The following MBD5 variants were observed in gnomAD, a reference collection of about 807,000 sequenced individuals.
The protein encoded by MBD5 is methyl-CpG binding domain protein 5, also known as methyl-CpG-binding domain protein 5.
A neutral mutation model predicts 117.3 loss-of-function variants in MBD5; 13 were observed. The ratio of observed to expected loss-of-function variants is 0.11; its 90% CI spans 0.07 to 0.18. MBD5 has a LOEUF of 0.18. MBD5 is among the 10% of genes least tolerant of loss of function. The pLI is 1.00. For synonymous variants in MBD5, 727 were observed against 766.4 expected (o/e 0.95, Z 0.85); for missense variants, 1,879 against 2,093.8 (o/e 0.90, Z 2.00).
At chr2:148,212,209 A>T (rs1346413376) in intron 2 of MBD5, among the ~76,000 whole-genome samples, 1 of 152,148 alleles carries the variant, frequency 6.6e-6, no homozygotes, top group Non-Finnish European at 1.5e-5. Context: ...TCACTCCAAA[A>T]AGAAACCCTG....
intron 3 of MBD5, among the ~76,000 whole-genome samples, chr2:148,282,831 A>G (rs1028999701): frequency 4.6e-5 from 7 of 151,800 alleles, no homozygotes; most frequent in Non-Finnish European, 7.4e-5. Context: ...GGTCATTTAA[A>G]TGATCCTCAA....
At chr2:148,173,727 A>G (rs1280714376) in intron 1 of MBD5, among the ~76,000 whole-genome samples, 1 of 152,166 alleles carries the variant, frequency 6.6e-6, no homozygotes, top group Non-Finnish European at 1.5e-5. Flanking sequence ...CTCATAAATA[A>G]ATAAATAAAT....
chr2:148,406,624 A>G (rs1244070623), intron 4 of MBD5, among the ~76,000 whole-genome samples: 1 of 145,406 alleles, frequency 6.9e-6, no homozygotes, highest in Admixed American at 6.9e-5. Context: ...TAATAAATCC[A>G]TACATGATTC....
chr2:148,152,252 G>C (rs1489627356), intron 1 of MBD5, among the ~76,000 whole-genome samples: 1 of 152,172 alleles, frequency 6.6e-6, no homozygotes, highest in Non-Finnish European at 1.5e-5. Flanking sequence ...GAGTGGTTTT[G>C]AGTGAGATTC....
intron 8 of MBD5, among the ~76,000 whole-genome samples, chr2:148,482,635 T>G (rs987540879): frequency 6.6e-6 from 1 of 152,186 alleles, no homozygotes. Flanking sequence ...TGCATTCTAC[T>G]TTTGTGGGTT....
chr2:148,199,244 C>A (rs888185102), intron 2 of MBD5, among the ~76,000 whole-genome samples: 1 of 152,070 alleles, frequency 6.6e-6, no homozygotes, highest in African/African-American at 2.4e-5. Flanking sequence ...ATCTCCTTTA[C>A]CTAAAGTCAG....
In MBD5 at chr2:148,490,079, C is replaced by G; in HGVS notation, c.4447C>G (p.Pro1483Ala). Reference protein sequence around the residue: ...LPGEQHPILLPPRNCPGDKIL... With the variant: ...LPGEQHPILLAPRNCPGDKIL... The stretch of plus-strand genomic sequence containing the variant: ...TGGGGAACAGCACCCAATACTGTTA[C>G]CACCAAGAAACTGTCCAGGGGATAA... The change falls in exon 11 of 14, where the codon CCA becomes GCA. Residue 1483 changes from proline (P) to alanine (A), a missense_variant. Coordinates refer to ENST00000642680, the MANE Select transcript of MBD5 (RefSeq NM_001378120.1). 1 of 1,613,928 alleles carries G rather than the reference C, an allele frequency of 6.2e-7. No individual in the cohort carries two copies. Among genetic ancestry groups the G allele is most frequent in the Non-Finnish European group, 8.5e-7 (1 of 1,180,002 alleles).
chr2:148,076,706 C>T (rs765943183), intron 1 of MBD5, among the ~76,000 whole-genome samples: 10 of 152,176 alleles, frequency 6.6e-5, no homozygotes, highest in African/African-American at 9.6e-5. Flanking sequence ...AATTCTATTA[C>T]TAGCTTCTGA....
At chr2:148,324,123 T>C (rs980621950) in intron 3 of MBD5, among the ~76,000 whole-genome samples, 13 of 152,220 alleles carry the variant, frequency 8.5e-5, no homozygotes, top group East Asian at 1.9e-4. Flanking sequence ...TGCTTTTTTT[T>C]CTCAGGTTTG....
Position 148,483,433 on chromosome 2 carries a change from G to C in MBD5, c.2842G>C (p.Glu948Gln). 1 of 1,614,024 alleles carries C rather than the reference G, an allele frequency of 6.2e-7. No individual in the cohort carries two copies. The highest frequency in any genetic ancestry group is 8.5e-7 in the Non-Finnish European group (1 of 1,179,928). The change falls in exon 9 of 14, where the codon GAA becomes CAA. Residue 948 changes from glutamate (E) to glutamine (Q), a missense_variant. By Grantham distance (29) the Glu-to-Gln change is conservative. Transcript: ENST00000642680. ...AAATATCCTCCAGCCTTCAGCAGGA[G>C]AAGGCAAGTCTGAGATCAACCTCCA... ...LLNILQPSAGEGKSEINLHPL... is the reference protein window; with the variant it reads ...LLNILQPSAGQGKSEINLHPL...
chr2:148,327,166 G>C (rs934046159), intron 3 of MBD5, among the ~76,000 whole-genome samples: 3 of 152,028 alleles, frequency 2.0e-5, no homozygotes, highest in Non-Finnish European at 2.9e-5. Context: ...ATATTGGCCT[G>C]AACTCTCTTC....
chr2:148,294,689 AG>A (rs149294432), intron 3 of MBD5, among the ~76,000 whole-genome samples: 2,415 of 151,754 alleles, frequency 0.016, 67 homozygotes, highest in African/African-American at 0.055. Flanking sequence ...TATTTTTAGT[AG>A]AGACAGGCTT....
At chr2:148,301,846 T>A (rs1701781016) in intron 3 of MBD5, among the ~76,000 whole-genome samples, 1 of 152,232 alleles carries the variant, frequency 6.6e-6, no homozygotes, top group South Asian at 2.1e-4. Context: ...TGTACATGCT[T>A]GACCCCACTT....
At chr2:148,470,544 G>T (rs1680763282) in intron 8 of MBD5, 83 bp downstream of exon 8, 2 of 1,043,576 alleles carry the variant, frequency 1.9e-6, no homozygotes, top group Non-Finnish European at 1.4e-6. Context: ...TATTTATTAT[G>T]ATAAGAAATG....
In MBD5 at chr2:148,232,371, G is replaced by A. The variant is rs190003462; in HGVS notation, c.-830-874G>A. ...TTTTTAAAAATCATTCTTTTGTTAC[G>A]TGGATAGTAGAGTAGTAGATGGTTG... On this transcript the variant is annotated intron_variant, in intron 2 of 13. Coordinates refer to ENST00000642680, the MANE Select transcript of MBD5 (RefSeq NM_001378120.1). 1.4e-3 allele frequency among the ~76,000 whole-genome samples: 219 copies of A among 152,230 alleles called. 2 individuals are homozygous for A. Among genetic ancestry groups the A allele is most frequent in the East Asian group, 5.8e-4 (3 of 5,180 alleles).
chr2:148,431,773 C>T (rs1705994075), intron 4 of MBD5, among the ~76,000 whole-genome samples: 2 of 152,076 alleles, frequency 1.3e-5, no homozygotes, highest in Non-Finnish European at 2.9e-5. Context: ...TTTTCTTTAT[C>T]CAGTGCACCA....
At chr2:148,263,256 G>A (rs78195089) in intron 3 of MBD5, among the ~76,000 whole-genome samples, 1 of 152,092 alleles carries the variant, frequency 6.6e-6, no homozygotes, top group South Asian at 2.1e-4. Flanking sequence ...ACTAATCAGG[G>A]AAATGTAGGA....
chr2:148,138,070 T>C (rs1015952543), intron 1 of MBD5, among the ~76,000 whole-genome samples: 2 of 152,040 alleles, frequency 1.3e-5, no homozygotes, highest in Non-Finnish European at 2.9e-5. Flanking sequence ...ATGTCTTAGA[T>C]AAAAAAGAAA....
At chr2:148,030,981 G>T (rs1194719047) in intron 1 of MBD5, among the ~76,000 whole-genome samples, 1 of 152,118 alleles carries the variant, frequency 6.6e-6, no homozygotes, top group Non-Finnish European at 1.5e-5. Flanking sequence ...ACTGAAAAAT[G>T]CACTTCTCAC....
Sources: allele counts gnomAD v4.1 joint callset (sites outside exome capture counted in the v4.1 genomes callset), GRCh38; gene constraint gnomAD v4.1.1; transcripts MANE v1.5; gene names NCBI Gene and HGNC (gene_info 2026-07-23, HGNC 2026-07-21).